Variants in DPP10 observed in about 807,000 individuals in gnomAD.
The protein encoded by DPP10 is dipeptidyl peptidase like 10.
Under a neutral mutation model 120.9 loss-of-function variants are expected in DPP10, and 33 were observed. That is an observed-to-expected ratio of 0.27 (90% confidence interval 0.21 to 0.37). The LOEUF (loss-of-function observed/expected upper bound fraction) is 0.37. Ranked by LOEUF, DPP10 falls within the 10% of genes least tolerant of loss-of-function variation. The probability of loss-of-function intolerance (pLI) is 1.00; values close to 1 mark genes in which losing one functional copy is unlikely to be tolerated. For synonymous variants in DPP10, 337 were observed against 326.1 expected (o/e 1.03, Z -0.36); for missense variants, 816 against 942.8 (o/e 0.87, Z 1.76).
intron 1 of DPP10, among the ~76,000 whole-genome samples, chr2:115,018,037 A>T (rs888664359): frequency 6.6e-6 from 1 of 152,138 alleles, no homozygotes; most frequent in Non-Finnish European, 1.5e-5. Context: ...ACCCCATCTA[A>T]AAGTGGGCAA....
chr2:114,847,131 A>C (rs907486579), intron 1 of DPP10, among the ~76,000 whole-genome samples: 1 of 152,080 alleles, frequency 6.6e-6, no homozygotes, highest in African/African-American at 2.4e-5. Context: ...GCCTCAGCCA[A>C]CCTAATAGCT....
chr2:115,513,785 AG>A (rs1294984555), intron 4 of DPP10, among the ~76,000 whole-genome samples: 4 of 152,046 alleles, frequency 2.6e-5, no homozygotes, highest in Admixed American at 1.3e-4. Context: ...AAGTAGGATA[AG>A]AAAGGAGTTA....
chr2:115,824,666 G>A (rs1688138992), intron 21 of DPP10, among the ~76,000 whole-genome samples: 1 of 151,930 alleles, frequency 6.6e-6, no homozygotes. Context: ...CTTTTTTATG[G>A]CCACTTCGTA....
intron 5 of DPP10, among the ~76,000 whole-genome samples, chr2:115,653,470 G>A (rs930758278): frequency 2.0e-5 from 3 of 151,806 alleles, no homozygotes; most frequent in East Asian, 1.9e-4. Context: ...GATAATCTCC[G>A]CTGTCTAAAT....
chr2:115,462,818 C>T (rs1167215699), intron 3 of DPP10, among the ~76,000 whole-genome samples: 2 of 152,130 alleles, frequency 1.3e-5, no homozygotes, highest in African/African-American at 2.4e-5. Context: ...CAACCTCTGC[C>T]TCCCAGGCTC....
At chr2:115,832,118 A>G (rs1171891489) in intron 21 of DPP10, among the ~76,000 whole-genome samples, 1 of 152,228 alleles carries the variant, frequency 6.6e-6, no homozygotes, top group Non-Finnish European at 1.5e-5. Flanking sequence ...AAATTTTCCA[A>G]AAACTCTTTT....
intron 1 of DPP10, among the ~76,000 whole-genome samples, chr2:114,443,386 C>T (rs1300615143): frequency 6.6e-6 from 1 of 152,052 alleles, no homozygotes; most frequent in Non-Finnish European, 1.5e-5. Context: ...CACCATGTAA[C>T]TCAAAACCAG....
intron 3 of DPP10, among the ~76,000 whole-genome samples, chr2:115,375,585 T>C (rs939186074): frequency 6.6e-6 from 1 of 152,222 alleles, no homozygotes; most frequent in Non-Finnish European, 1.5e-5. Flanking sequence ...TCTCCCACTC[T>C]GCTGGTACCA....
At chr2:115,372,820 C>T (rs1359037753) in intron 3 of DPP10, among the ~76,000 whole-genome samples, 1 of 152,040 alleles carries the variant, frequency 6.6e-6, no homozygotes, top group African/African-American at 2.4e-5. Flanking sequence ...TTATTCCTGG[C>T]AGGTTTGTAC....
intron 5 of DPP10, among the ~76,000 whole-genome samples, chr2:115,563,036 T>A (rs2080785695): frequency 6.6e-6 from 1 of 152,246 alleles, no homozygotes; most frequent in Non-Finnish European, 1.5e-5. Flanking sequence ...TTTCCTGGAA[T>A]ATAATTCATG....
At chr2:115,476,281 G>T (rs1202375482) in intron 3 of DPP10, among the ~76,000 whole-genome samples, 1 of 152,096 alleles carries the variant, frequency 6.6e-6, no homozygotes, top group African/African-American at 2.4e-5. Flanking sequence ...TTAAAAGCGT[G>T]TGGTACCTCT....
At chr2:114,824,938 G>A (rs755377524) in intron 1 of DPP10, among the ~76,000 whole-genome samples, 2 of 152,168 alleles carry the variant, frequency 1.3e-5, no homozygotes, top group South Asian at 2.1e-4. Context: ...TGGTAACCCT[G>A]GAGTGGCATC....
chr2:115,229,939 T>C (rs1252970689), intron 1 of DPP10, among the ~76,000 whole-genome samples: 1 of 151,818 alleles, frequency 6.6e-6, no homozygotes, highest in Non-Finnish European at 1.5e-5. Context: ...TAGGATTGTA[T>C]TTCCTATTTC....
At chr2:115,256,571 AT>A in intron 1 of DPP10, among the ~76,000 whole-genome samples, 1 of 152,254 alleles carries the variant, frequency 6.6e-6, no homozygotes, top group East Asian at 1.9e-4. Context: ...CCATGAAAAC[AT>A]TTTTTCTCCT....
intron 1 of DPP10, among the ~76,000 whole-genome samples, chr2:114,764,639 G>A (rs916513627): frequency 4.6e-5 from 7 of 151,658 alleles, no homozygotes; most frequent in Admixed American, 1.3e-4. Flanking sequence ...AAAATTATAT[G>A]TATACAAATA....
chr2:115,212,225 C>A (rs955943325), intron 1 of DPP10, among the ~76,000 whole-genome samples: 3 of 152,082 alleles, frequency 2.0e-5, no homozygotes, highest in Non-Finnish European at 2.9e-5. Flanking sequence ...ACCTCCCTGC[C>A]TGAATCTGTT....
chr2:114,857,015 TGA>T (rs1432274368), intron 1 of DPP10, among the ~76,000 whole-genome samples: 1 of 152,084 alleles, frequency 6.6e-6, no homozygotes, highest in African/African-American at 2.4e-5. Flanking sequence ...ATAAAGATAC[TGA>T]GAGTCAGAAA....
At chr2:115,423,989 T>C (rs1030778440) in intron 3 of DPP10, among the ~76,000 whole-genome samples, 1 of 152,178 alleles carries the variant, frequency 6.6e-6, no homozygotes, top group African/African-American at 2.4e-5. Flanking sequence ...CCAGGGAAGA[T>C]TGTCTTCAGG....
At chr2:115,406,818 T>A (rs2068544520) in intron 3 of DPP10, among the ~76,000 whole-genome samples, 1 of 152,112 alleles carries the variant, frequency 6.6e-6, no homozygotes, top group African/African-American at 2.4e-5. Flanking sequence ...AAAACAGAAA[T>A]GGACATTTCA....
Sources: allele counts gnomAD v4.1 joint callset (sites outside exome capture counted in the v4.1 genomes callset), GRCh38; gene constraint gnomAD v4.1.1; transcripts MANE v1.5; gene names NCBI Gene and HGNC (gene_info 2026-07-23, HGNC 2026-07-21).